NELL1: variants seen among roughly 807,000 people sequenced by gnomAD.
The protein encoded by NELL1 is protein kinase C-binding protein NELL1.
In NELL1, 76 loss-of-function variants were observed where a neutral mutation model predicts 107.4. The observed-to-expected ratio is 0.71, with a 90% CI of 0.59 to 0.86. The LOEUF is 0.86. NELL1 is among the 40% of genes least tolerant of loss of function. The pLI is 0.00. For synonymous variants in NELL1, 353 were observed against 341.2 expected, an observed-to-expected ratio of 1.03 and a Z score of -0.38; for missense variants, 1,024 against 1,005.5, an observed-to-expected ratio of 1.02 and a Z score of -0.25.
chr11:20,831,888 CAAATGT>C (rs1858017432), intron 3 of NELL1, among the ~76,000 whole-genome samples: 1 of 152,150 alleles, frequency 6.6e-6, no homozygotes, highest in Non-Finnish European at 1.5e-5. Context: ...CTGCTTTAGG[CAAATGT>C]TCACTTACAT....
intron 7 of NELL1, among the ~76,000 whole-genome samples, chr11:20,926,703 C>A (rs991816248): frequency 3.9e-5 from 6 of 152,264 alleles, no homozygotes; most frequent in African/African-American, 1.2e-4. Flanking sequence ...TTACAAAATT[C>A]TGATCTTACC....
At chr11:21,260,375 C>G (rs1046822949) in intron 14 of NELL1, 1 of 151,838 alleles carries the variant, frequency 6.6e-6, no homozygotes, top group Admixed American at 6.6e-5. Flanking sequence ...AACAGAATAT[C>G]TTCATTAGGT....
At chr11:21,119,539 G>T (rs1267278709) in intron 13 of NELL1, among the ~76,000 whole-genome samples, 1 of 152,018 alleles carries the variant, frequency 6.6e-6, no homozygotes, top group Non-Finnish European at 1.5e-5. Flanking sequence ...TGTTATATAT[G>T]GAGCTCTGTA....
chr11:20,755,996 C>T (rs1410255487), intron 2 of NELL1, among the ~76,000 whole-genome samples: 3 of 148,538 alleles, frequency 2.0e-5, no homozygotes, highest in Admixed American at 6.8e-5. Flanking sequence ...GGGTTCATGC[C>T]ATTTTCCTGC....
chr11:20,907,443 CA>C (rs756661859), intron 5 of NELL1, among the ~76,000 whole-genome samples: 1 of 151,936 alleles, frequency 6.6e-6, no homozygotes, highest in Non-Finnish European at 1.5e-5. Flanking sequence ...AGAAGATATA[CA>C]AATGGCCAAT....
rs140036958 is a variant in NELL1, at chr11:21,173,625, T to A, written c.1427-55707T>A. Reference sequence around the variant, plus strand: ...CTGAATGAAATGATAGGACACAATCTCTGTCTTCAAGAAGAGGCAAGCACA... The same window carrying A: ...CTGAATGAAATGATAGGACACAATCACTGTCTTCAAGAAGAGGCAAGCACA... On this transcript the variant is annotated intron_variant, in intron 13 of 19. Coordinates refer to ENST00000357134, the MANE Select transcript of NELL1 (RefSeq NM_006157.5). Among the ~76,000 whole-genome samples the A allele has an allele frequency of 2.1e-3, 323 of 151,990 alleles. 8 individuals carry two copies. The highest frequency in any genetic ancestry group is 7.6e-3 in the African/African-American group (314 of 41,286).
intron 13 of NELL1, among the ~76,000 whole-genome samples, chr11:21,212,531 G>T (rs966066402): frequency 2.0e-5 from 3 of 152,218 alleles, no homozygotes; most frequent in Middle Eastern, 3.4e-3. Context: ...CTTAGTAGAA[G>T]CAGTTGGTGC....
At chr11:21,160,846 T>G (rs1856348885) in intron 13 of NELL1, among the ~76,000 whole-genome samples, 1 of 152,100 alleles carries the variant, frequency 6.6e-6, no homozygotes, top group Non-Finnish European at 1.5e-5. Context: ...AGGTCACCTT[T>G]TTTTACTCCC....
At chr11:21,479,823 T>C (rs1854445675) in intron 15 of NELL1, among the ~76,000 whole-genome samples, 1 of 152,196 alleles carries the variant, frequency 6.6e-6, no homozygotes, top group Non-Finnish European at 1.5e-5. Flanking sequence ...AACTACTATG[T>C]ACCCACAAAA....
chr11:21,396,613 G>A (rs112944123), intron 15 of NELL1, among the ~76,000 whole-genome samples: 5 of 151,724 alleles, frequency 3.3e-5, no homozygotes, highest in African/African-American at 1.2e-4. Flanking sequence ...GGGGAGATAA[G>A]AGAGGCACAT....
intron 4 of NELL1, among the ~76,000 whole-genome samples, chr11:20,856,250 A>G (rs911805444): frequency 6.6e-6 from 1 of 152,142 alleles, no homozygotes; most frequent in Non-Finnish European, 1.5e-5. Context: ...TTCTGCCAGC[A>G]AGGGTTGTAG....
chr11:20,781,879 A>AG (rs1228479034), intron 2 of NELL1, among the ~76,000 whole-genome samples: 1 of 147,770 alleles, frequency 6.8e-6, no homozygotes, highest in Admixed American at 6.8e-5. Context: ...AAATACAAAA[A>AG]AAAAAAAAAA....
intron 13 of NELL1, among the ~76,000 whole-genome samples, chr11:21,155,092 G>A (rs1016078247): frequency 1.3e-5 from 2 of 152,104 alleles, no homozygotes; most frequent in Non-Finnish European, 2.9e-5. Context: ...TAAGGTAGAG[G>A]ATGCAGTTCC....
chr11:21,011,146 TC>T (rs1222435168), intron 12 of NELL1, among the ~76,000 whole-genome samples: 5 of 152,120 alleles, frequency 3.3e-5, no homozygotes, highest in African/African-American at 1.2e-4. Flanking sequence ...CAATTTTATT[TC>T]CCCTATCTTT....
chr11:21,200,187 T>C (rs562480467), intron 13 of NELL1, among the ~76,000 whole-genome samples: 57 of 152,242 alleles, frequency 3.7e-4, no homozygotes, highest in African/African-American at 1.4e-3. Flanking sequence ...GATCAAATGG[T>C]ATTTCTAGTT....
chr11:20,875,928 A>G (rs1000988533), intron 4 of NELL1, among the ~76,000 whole-genome samples: 1 of 152,228 alleles, frequency 6.6e-6, no homozygotes, highest in Non-Finnish European at 1.5e-5. Context: ...GGGATGAAGC[A>G]GGTCACACGC....
At chr11:21,046,685 T>TTTAC (rs1853363113) in intron 12 of NELL1, among the ~76,000 whole-genome samples, 1 of 96,254 alleles carries the variant, frequency 1.0e-5, no homozygotes, top group African/African-American at 6.9e-5. Context: ...CAATTATTTA[T>TTTAC]TTATTTATTT....
intron 17 of NELL1, among the ~76,000 whole-genome samples, chr11:21,569,444 A>G (rs10766835): frequency 0.43 from 64,466 of 148,764 alleles, 14,895 homozygotes; most frequent in Non-Finnish European, 0.53. Context: ...AGTATTAAAT[A>G]CATGGTAGAA....
intron 2 of NELL1, among the ~76,000 whole-genome samples, chr11:20,682,460 T>A (rs951799836): frequency 3.3e-5 from 5 of 152,170 alleles, no homozygotes; most frequent in African/African-American, 9.6e-5. Flanking sequence ...ATTTGCATGC[T>A]AAATTTTTAA....
Sources: gnomAD v4.1 joint callset for allele counts (sites outside exome capture counted in the v4.1 genomes callset) on GRCh38, gnomAD v4.1.1 for gene constraint, MANE v1.5 for transcripts, NCBI Gene and HGNC (gene_info 2026-07-23, HGNC 2026-07-21) for gene names.